Variants in TTYH2 observed in about 807,000 individuals in gnomAD.
TTYH2 encodes the protein protein tweety homolog 2.
A neutral mutation model predicts 68.3 loss-of-function variants in TTYH2; 49 were observed. The ratio of observed to expected loss-of-function variants is 0.72; its 90% CI spans 0.57 to 0.91. TTYH2 has a LOEUF of 0.91. Among genes scored for constraint, TTYH2 ranks in the 40% least tolerant of loss-of-function variants. The probability of loss-of-function intolerance (pLI) is 0.00; values close to 1 mark genes in which losing one functional copy is unlikely to be tolerated. For missense variants in TTYH2, 631 were observed against 700.4 expected (o/e 0.90, Z 1.12); for synonymous variants, 272 against 300.8 (o/e 0.90, Z 0.99).
At position 74,260,114 on chromosome 17, in the gene TTYH2, CTT is replaced by C. The variant is rs766379981; in HGVS notation, c.1525-14_1525-13del. 39 of 1,612,652 alleles carry C rather than the reference CTT, an allele frequency of 2.4e-5. No homozygotes were observed. Among genetic ancestry groups the C allele is most frequent in the South Asian group, 2.2e-4 (20 of 91,044 alleles). On this transcript the variant is annotated splice_polypyrimidine_tract_variant and intron_variant, in intron 13 of 13. Coordinates refer to ENST00000269346, the MANE Select transcript of TTYH2 (RefSeq NM_032646.6). ...TGACTCAGCTCTGACCATCCCCTCTCTTCTCTCTTGGCAGTACTCTCCCAGCA... is the reference window on the plus strand; with the variant it reads ...TGACTCAGCTCTGACCATCCCCTCTCCTCTCTTGGCAGTACTCTCCCAGCA...
At position 74,260,538 on chromosome 17, in the gene TTYH2, G is replaced by A. The variant is rs757117106; in HGVS notation, c.*329G>A. 3.5e-5 allele frequency: 13 copies of A among 366,718 alleles called. No individual in the cohort carries two copies. Among genetic ancestry groups the A allele is most frequent in the East Asian group, 2.8e-4 (5 of 17,834 alleles). 22.7% of individuals were successfully genotyped at this position (366,718 alleles called of 1,614,324 possible). ...CAGGAGGGGAGTGGCAGTGAGGAGG[G>A]GGCCAGGTCAGGCACCACCATCAAG... On this transcript the variant is annotated 3_prime_UTR_variant, in exon 14 of 14. Coordinates refer to ENST00000269346, the MANE Select transcript of TTYH2 (RefSeq NM_032646.6).
intron 6 of TTYH2, among the ~76,000 whole-genome samples, chr17:74,246,038 A>C (rs982995631): frequency 6.6e-6 from 1 of 152,196 alleles, no homozygotes; most frequent in African/African-American, 2.4e-5. Flanking sequence ...CGTGGTCAGC[A>C]CTGCGAGTCA....
chr17:74,247,856 CGT>C (rs138468457), intron 6 of TTYH2: 18 of 151,530 alleles, frequency 1.2e-4, no homozygotes, highest in Middle Eastern at 3.4e-3. Flanking sequence ...TGCGTGCATG[CGT>C]GTGTGTGTGT....
chr17:74,240,336 G>A (rs1246318805), intron 4 of TTYH2, among the ~76,000 whole-genome samples: 1 of 152,152 alleles, frequency 6.6e-6, no homozygotes, highest in Non-Finnish European at 1.5e-5. Context: ...CTACTTGGGA[G>A]GCTGAGGCAG....
At chr17:74,224,570 C>T (rs1250174925) in intron 2 of TTYH2, among the ~76,000 whole-genome samples, 2 of 152,148 alleles carry the variant, frequency 1.3e-5, no homozygotes, top group Non-Finnish European at 2.9e-5. Flanking sequence ...TGGCAGAATC[C>T]ATCCCACAAC....
chr17:74,236,699 C>T (rs1334047230), intron 3 of TTYH2, among the ~76,000 whole-genome samples: 4 of 152,100 alleles, frequency 2.6e-5, no homozygotes, highest in African/African-American at 4.8e-5. Context: ...GCTCCTTTGG[C>T]GCCAGCATTC....
chr17:74,232,699 A>G lies in TTYH2; in HGVS notation c.414+1700A>G, dbSNP rs993435529. On this transcript the variant is annotated intron_variant, in intron 3 of 13. Coordinates refer to ENST00000269346, the MANE Select transcript of TTYH2 (RefSeq NM_032646.6). This position sits in a 1 kb window ranked among gnomAD's most constrained non-coding sequence, Gnocchi z 5.1. ...CTCTTCACCCACCAGCACCAGGATC[A>G]CTGGAGGAGGAACCTAGCCCCGAGA... is the stretch of plus-strand genomic sequence containing the variant. 1.3e-5 allele frequency among the ~76,000 whole-genome samples: 2 copies of G among 152,140 alleles called. No individual in the cohort carries two copies. The highest frequency in any genetic ancestry group is 4.8e-5 in the African/African-American group (2 of 41,434).
At chr17:74,243,687 C>T (rs2050525344) in intron 5 of TTYH2, among the ~76,000 whole-genome samples, 1 of 152,246 alleles carries the variant, frequency 6.6e-6, no homozygotes, top group African/African-American at 2.4e-5. Context: ...TTTCCTCCTT[C>T]TCTGGGCCTG....
At chr17:74,238,970 CA>C (rs201337640) in intron 4 of TTYH2, among the ~76,000 whole-genome samples, 1,741 of 152,188 alleles carry the variant, frequency 0.011, 34 homozygotes, top group African/African-American at 0.04. Context: ...CTCAGCCTCC[CA>C]AAGTCCAAGG....
At position 74,244,059 on chromosome 17, in the gene TTYH2, G is replaced by T; in HGVS notation, c.804+10G>T. 2 of 1,609,520 alleles carry T rather than the reference G, an allele frequency of 1.2e-6. No individual in the cohort carries two copies. The highest frequency in any genetic ancestry group is 1.7e-6 in the Non-Finnish European group (2 of 1,179,438). ...TGGCTCTGCGGCAGTGGTGAGTTGGGGGAGGGAGTGGGTGGTGGGTGGTGG... is the reference window on the plus strand; with the variant it reads ...TGGCTCTGCGGCAGTGGTGAGTTGGTGGAGGGAGTGGGTGGTGGGTGGTGG... On this transcript the variant is annotated intron_variant, in intron 6 of 13. Coordinates refer to ENST00000269346, the MANE Select transcript of TTYH2 (RefSeq NM_032646.6).
intron 3 of TTYH2, among the ~76,000 whole-genome samples, chr17:74,235,022 G>C (rs957549506): frequency 6.6e-6 from 1 of 152,140 alleles, no homozygotes; most frequent in Non-Finnish European, 1.5e-5. Flanking sequence ...GCACATGGTA[G>C]AGTGTCTCCG....
At chr17:74,246,800 G>A (rs915170501) in intron 6 of TTYH2, among the ~76,000 whole-genome samples, 1 of 152,186 alleles carries the variant, frequency 6.6e-6, no homozygotes, top group South Asian at 2.1e-4. Flanking sequence ...CCACAATCAT[G>A]GTGGAAGGCA....
intron 13 of TTYH2, among the ~76,000 whole-genome samples, chr17:74,259,772 C>A (rs895147936): frequency 9.9e-5 from 15 of 152,172 alleles, no homozygotes; most frequent in Non-Finnish European, 2.1e-4. Context: ...GGGTAAGATG[C>A]ACAGCTGGGA....
chr17:74,222,732 C>A lies in TTYH2; in HGVS notation c.302+75C>A. 1 of 1,433,586 alleles carries A rather than the reference C, an allele frequency of 7.0e-7. No homozygotes were observed. The allele number at this position is 1,433,586 out of a possible 1,614,324, so 88.8% of individuals were successfully genotyped here. Reference sequence around the variant, plus strand: ...GGGCCAGGGACTGTTTGACCATGTTCTGACGGAGCTCCAGCTACCTTGATG... The same window carrying A: ...GGGCCAGGGACTGTTTGACCATGTTATGACGGAGCTCCAGCTACCTTGATG... On this transcript the variant is annotated intron_variant, in intron 2 of 13. Coordinates refer to ENST00000269346, the MANE Select transcript of TTYH2 (RefSeq NM_032646.6). The surrounding 1 kb of genome is among the most constrained non-coding windows in gnomAD (Gnocchi z 5.2).
rs762747092 is a variant in TTYH2 at position 74,253,186 on chromosome 17, C to T, written c.1365C>T (p.Ser455=). Residue 455 remains serine, a synonymous_variant, in exon 12 of 14, where the codon AGC becomes AGT. Coordinates refer to ENST00000269346, the MANE Select transcript of TTYH2 (RefSeq NM_032646.6). The stretch of plus-strand genomic sequence containing the variant: ...GGGGACAGCTTCACAGCTTCTGCAG[C>T]TACAGCAGTGGCCTGGGAAGTCAGA... ...PPRGQLHSFC[S]YSSGLGSQTS... The T allele has an allele frequency of 3.7e-6, 6 of 1,614,022 alleles. No homozygotes were observed. Among genetic ancestry groups the T allele is most frequent in the Non-Finnish European group, 3.4e-6 (4 of 1,179,984 alleles).
intron 2 of TTYH2, among the ~76,000 whole-genome samples, chr17:74,223,883 G>A (rs1454141764): frequency 1.3e-5 from 2 of 152,122 alleles, no homozygotes; most frequent in African/African-American, 2.4e-5. Context: ...TCTTGATCTC[G>A]TCCTGCCTGT....
At position 74,222,619 on chromosome 17, in the gene TTYH2, C is replaced by T. The variant is rs1334413247; in HGVS notation, c.264C>T (p.Cys88=). The T allele has an allele frequency of 6.2e-7, 1 of 1,611,666 alleles. No homozygotes were observed. The highest frequency in any genetic ancestry group is 2.2e-5 in the East Asian group (1 of 44,874). The part of the protein sequence containing the change: ...AVQTKQHHSC[C]ITWTAVVAGL... ...AGACCAAGCAGCACCACTCCTGCTG[C>T]ATCACCTGGACGGCCGTGGTGGCCG... Residue 88 remains cysteine, a synonymous_variant, in exon 2 of 14, where the codon TGC becomes TGT. Transcript: ENST00000269346. This position sits in a 1 kb window ranked among gnomAD's most constrained non-coding sequence, Gnocchi z 5.2.
chr17:74,253,069 C>A lies in TTYH2; in HGVS notation c.1260-12C>A. 6.2e-7 allele frequency: 1 copy of A among 1,613,306 alleles called. No homozygotes were observed. Among genetic ancestry groups the A allele is most frequent in the Non-Finnish European group, 8.5e-7 (1 of 1,179,644 alleles). On this transcript the variant is annotated splice_polypyrimidine_tract_variant and intron_variant, in intron 11 of 13. Coordinates refer to ENST00000269346, the MANE Select transcript of TTYH2 (RefSeq NM_032646.6). Reference sequence around the variant, plus strand: ...CCCTTCACAGCCGGCCATCTTCTACCCATTGTTCTAGAAACAGAGACTACG... The same window carrying A: ...CCCTTCACAGCCGGCCATCTTCTACACATTGTTCTAGAAACAGAGACTACG...
chr17:74,222,315 C>T lies in TTYH2; in HGVS notation c.130-170C>T, dbSNP rs994079023. On this transcript the variant is annotated intron_variant, in intron 1 of 13. Coordinates refer to ENST00000269346, the MANE Select transcript of TTYH2 (RefSeq NM_032646.6). The surrounding 1 kb of genome is among the most constrained non-coding windows in gnomAD (Gnocchi z 5.2). Reference sequence around the variant, plus strand: ...CATCACTCCCACCCAAGTGCCTCAGCGCCGGGCCCTCTGTTTACAGAGTAG... The same window carrying T: ...CATCACTCCCACCCAAGTGCCTCAGTGCCGGGCCCTCTGTTTACAGAGTAG... Among the ~76,000 whole-genome samples, 7 of 152,228 alleles carry T rather than the reference C, an allele frequency of 4.6e-5. No homozygotes were observed. The highest frequency in any genetic ancestry group is 2.1e-4 in the South Asian group (1 of 4,832).
Sources: gnomAD v4.1 joint callset for allele counts (sites outside exome capture counted in the v4.1 genomes callset) on GRCh38, gnomAD v4.1.1 for gene constraint, Gnocchi (gnomAD v3.1) non-coding constraint, MANE v1.5 for transcripts, NCBI Gene and HGNC (gene_info 2026-07-23, HGNC 2026-07-21) for gene names.